CNTRL: variants seen among roughly 807,000 people sequenced by gnomAD.
The protein encoded by CNTRL is 110 kDa centrosomal protein.
Under a neutral mutation model 303.7 loss-of-function variants are expected in CNTRL, and 233 were observed. The ratio of observed to expected loss-of-function variants is 0.77; its 90% CI spans 0.69 to 0.86. The LOEUF is 0.86. Among genes scored for constraint, CNTRL ranks in the 40% least tolerant of loss-of-function variants. CNTRL has a pLI of 0.00. For synonymous variants in CNTRL, 900 were observed against 922.2 expected (o/e 0.98, Z 0.44); for missense variants, 2,524 against 2,650.6 (o/e 0.95, Z 1.05).
Position 121,092,562 on chromosome 9 carries a change from A to G in CNTRL, c.348+2157A>G, listed in dbSNP as rs71497041. 3.3e-3 allele frequency among the ~76,000 whole-genome samples: 13 copies of G among 3,882 alleles called. 1 individual carries two copies. The highest frequency in any genetic ancestry group is 6.2e-3 in the African/African-American group (12 of 1,938). 2.5% of individuals were successfully genotyped at this position (3,882 alleles called of 152,430 possible). On this transcript the variant is annotated intron_variant, in intron 4 of 43. Transcript: ENST00000373855. ...ATATATTATATATATCTATATATAT[A>G]ATATATATCTATATATATAATATAT...
At chr9:121,167,416 T>TA in intron 36 of CNTRL, 73 bp from the exon 37 acceptor site, 1 of 1,191,782 alleles carries the variant, frequency 8.4e-7, no homozygotes, top group East Asian at 2.4e-5. Context: ...ACTTAGTAGA[T>TA]ACTGGATTGG....
intron 15 of CNTRL, among the ~76,000 whole-genome samples, chr9:121,136,408 CA>C (rs2051197128): frequency 6.6e-6 from 1 of 152,054 alleles, no homozygotes; most frequent in Non-Finnish European, 1.5e-5. Flanking sequence ...CTCCTGGGTT[CA>C]AGTGATTTTC....
rs762002912 is a variant in CNTRL at position 121,141,365 on chromosome 9, T to TC, written c.2484-11dup. ...TTAAATGTCACATTTATACCATTTT[T>TC]CCCCCTCCTTACTAGCATCCATAGT... On this transcript the variant is annotated splice_polypyrimidine_tract_variant and intron_variant, in intron 17 of 43. Coordinates refer to ENST00000373855, the MANE Select transcript of CNTRL (RefSeq NM_007018.6). The TC allele has an allele frequency of 6.3e-7, 1 of 1,585,546 alleles. No individual in the cohort carries two copies. The highest frequency in any genetic ancestry group is 8.7e-7 in the Non-Finnish European group (1 of 1,155,712).
intron 15 of CNTRL, among the ~76,000 whole-genome samples, chr9:121,137,664 A>G (rs565053957): frequency 3.9e-5 from 6 of 152,318 alleles, no homozygotes; most frequent in African/African-American, 1.2e-4. Flanking sequence ...AGTATAGTTG[A>G]CAAGATCAGA....
At chr9:121,156,264 G>A (rs1331274813) in intron 27 of CNTRL, among the ~76,000 whole-genome samples, 1 of 152,084 alleles carries the variant, frequency 6.6e-6, no homozygotes, top group East Asian at 1.9e-4. Flanking sequence ...GTAGGCAGAG[G>A]TAGTAAGTCA....
intron 24 of CNTRL, among the ~76,000 whole-genome samples, chr9:121,149,068 A>G (rs1228995025): frequency 1.3e-5 from 2 of 152,036 alleles, no homozygotes; most frequent in Non-Finnish European, 2.9e-5. Flanking sequence ...GGTGATGCCT[A>G]CTCATCCTTC....
intron 31 of CNTRL, among the ~76,000 whole-genome samples, 199 bp downstream of exon 31, chr9:121,159,218 C>T (rs994668619): frequency 5.9e-5 from 9 of 152,124 alleles, no homozygotes; most frequent in African/African-American, 1.9e-4. Flanking sequence ...TCTGGATATG[C>T]TCAAAGTTCT....
intron 7 of CNTRL, among the ~76,000 whole-genome samples, chr9:121,104,343 G>C (rs927232699): frequency 4.6e-5 from 7 of 152,188 alleles, no homozygotes; most frequent in African/African-American, 9.7e-5. Flanking sequence ...CTTGGACACA[G>C]GGTGGGTAAC....
chr9:121,165,933 A>G (rs2053072450), intron 35 of CNTRL, among the ~76,000 whole-genome samples, 174 bp from the exon 36 acceptor site: 1 of 152,222 alleles, frequency 6.6e-6, no homozygotes, highest in Non-Finnish European at 1.5e-5. Flanking sequence ...TCCAAGCCCA[A>G]ATCTGGATTG....
rs778093212 is a variant in CNTRL at position 121,171,539 on chromosome 9, C to T, written c.6408C>T (p.Leu2136=). Residue 2136 remains leucine, a synonymous_variant, in exon 40 of 44, where the codon CTC becomes CTT. Coordinates refer to ENST00000373855, the MANE Select transcript of CNTRL (RefSeq NM_007018.6). ...AGATGCAGTATGAGTACACGGAGCT[C>T]AAGAAACAGGTGTGTGCCCAGAAAG... ...LNQMQYEYTE[L]KKQMANQKDL... is the part of the protein sequence containing the mutation. The T allele has an allele frequency of 1.4e-5, 22 of 1,613,476 alleles. No homozygotes were observed. Among genetic ancestry groups the T allele is most frequent in the Non-Finnish European group, 1.9e-5 (22 of 1,179,694 alleles).
chr9:121,085,135 T>C (rs1268924258), intron 2 of CNTRL, among the ~76,000 whole-genome samples: 4 of 152,174 alleles, frequency 2.6e-5, no homozygotes, highest in African/African-American at 9.7e-5. Context: ...AGAAACGATA[T>C]TTAACAAAAA....
At chr9:121,099,757 C>T (rs1289700757) in intron 7 of CNTRL, among the ~76,000 whole-genome samples, 1 of 152,044 alleles carries the variant, frequency 6.6e-6, no homozygotes, top group Non-Finnish European at 1.5e-5. Flanking sequence ...AACTACGTGA[C>T]ACATGCACAA....
intron 35 of CNTRL, 81 bp downstream of exon 35, chr9:121,165,181 T>A (rs960845650): frequency 1.6e-5 from 21 of 1,323,878 alleles, no homozygotes; most frequent in Middle Eastern, 3.8e-4. Flanking sequence ...GACAAGTAAT[T>A]CCTGCTAATG....
rs75910820 is a variant in CNTRL, at chr9:121,177,421, T to C, written c.*235T>C. 2.9e-5 allele frequency: 5 copies of C among 174,084 alleles called. No individual in the cohort carries two copies. The highest frequency in any genetic ancestry group is 4.8e-5 in the Non-Finnish European group (4 of 83,908). 10.8% of individuals were successfully genotyped at this position (174,084 alleles called of 1,614,324 possible). A position where few individuals can be genotyped will look rare whatever the true frequency, so the allele number is the denominator to read the frequency against. On this transcript the variant is annotated 3_prime_UTR_variant, in exon 44 of 44. Transcript: ENST00000373855. ...ATTTAAACCAACATGTGGCTGAGCC[T>C]TTTTTTTTTTAATCTTCGTAACATG...
At chr9:121,146,598 A>G (rs1235786624) in intron 23 of CNTRL, among the ~76,000 whole-genome samples, 1 of 152,238 alleles carries the variant, frequency 6.6e-6, no homozygotes, top group Non-Finnish European at 1.5e-5. Context: ...TGTCCTTTTA[A>G]CGAACATTCA....
chr9:121,136,044 C>A, intron 15 of CNTRL, 62 bp downstream of exon 15: 1 of 1,347,078 alleles, frequency 7.4e-7, no homozygotes, highest in South Asian at 1.4e-5. Context: ...TATCATCCTT[C>A]TTTTATTTAT....
chr9:121,177,194 T>A lies in CNTRL; in HGVS notation c.*8T>A, dbSNP rs931596803. 1.2e-6 allele frequency: 2 copies of A among 1,607,206 alleles called. No individual in the cohort carries two copies. Among genetic ancestry groups the A allele is most frequent in the Admixed American group, 3.4e-5 (2 of 59,586 alleles). ...AATGCCTCAGCCAGATGAGGAATACTGTCTTGTGTAAATATATTCAAGGAA... is the reference window on the plus strand; with the variant it reads ...AATGCCTCAGCCAGATGAGGAATACAGTCTTGTGTAAATATATTCAAGGAA... On this transcript the variant is annotated 3_prime_UTR_variant, in exon 44 of 44. Transcript: ENST00000373855.
At chr9:121,165,594 T>A (rs570589284) in intron 35 of CNTRL, among the ~76,000 whole-genome samples, 1 of 152,340 alleles carries the variant, frequency 6.6e-6, no homozygotes, top group South Asian at 2.1e-4. Context: ...GAACATTTTT[T>A]ATATCCTTGG....
chr9:121,107,822 A>G lies in CNTRL; in HGVS notation c.829A>G (p.Arg277Gly). The G allele has an allele frequency of 1.3e-6, 2 of 1,584,802 alleles. No individual in the cohort carries two copies. The highest frequency in any genetic ancestry group is 1.7e-6 in the Non-Finnish European group (2 of 1,171,200). The change falls in exon 8 of 44, where the codon AGA (arginine) becomes GGA (glycine). Residue 277 changes from arginine (R) to glycine (G), a missense_variant. Arg to Gly is a moderately radical substitution (Grantham distance 125). Transcript: ENST00000373855. ...FSLEEVERLE[R>G]DLEKKMIETE... is the part of the protein sequence containing the mutation. ...GGCAGAAGAGGTAGAAAGACTGGAA[A>G]GAGACCTAGAAAAAAAGATGATAGA...
Sources: allele counts gnomAD v4.1 joint callset (sites outside exome capture counted in the v4.1 genomes callset), GRCh38; gene constraint gnomAD v4.1.1; transcripts MANE v1.5; gene names NCBI Gene and HGNC (gene_info 2026-07-23, HGNC 2026-07-21).